KIF6: variants seen among roughly 807,000 people sequenced by gnomAD.
The protein encoded by KIF6 is kinesin family member 6, also known as kinesin-like protein KIF6.
Under a neutral mutation model 112.7 loss-of-function variants are expected in KIF6, and 106 were observed. That is an observed-to-expected ratio of 0.94 (90% CI 0.80 to 1.11). The LOEUF (loss-of-function observed/expected upper bound fraction) is 1.11, where lower values mean the gene tolerates loss of function less well. Ranked by LOEUF, KIF6 falls within the 50% of genes least tolerant of loss-of-function variation. The probability of loss-of-function intolerance (pLI) is 0.00; values close to 1 mark genes in which losing one functional copy is unlikely to be tolerated. For missense variants in KIF6, 929 were observed against 964.0 expected, an observed-to-expected ratio of 0.96 and a Z score of 0.48; for synonymous variants, 339 against 339.9, an observed-to-expected ratio of 1.00 and a Z score of 0.03.
chr6:39,568,948 TTC>T (rs149756382), intron 10 of KIF6, among the ~76,000 whole-genome samples: 1,494 of 148,130 alleles, frequency 0.01, 13 homozygotes, highest in Middle Eastern at 0.056. Flanking sequence ...CTGTAGGCCT[TTC>T]TCTCTCTCTC....
In KIF6 at chr6:39,414,464, G is replaced by A. The variant is rs545838984; in HGVS notation, c.1810+5484C>T. Among the ~76,000 whole-genome samples the A allele has an allele frequency of 4.6e-5, 7 of 152,250 alleles. No individual in the cohort carries two copies. The East Asian group carries it at 1.4e-3, about 29-fold the overall frequency. On this transcript the variant is annotated intron_variant, in intron 15 of 22. Coordinates refer to ENST00000287152, the MANE Select transcript of KIF6 (RefSeq NM_145027.6). ...ACCACGGCTGCTGCAAACCCATGGG[G>A]GACCTTTGTGCAAACTAGAAAAAGG...
intron 13 of KIF6, among the ~76,000 whole-genome samples, chr6:39,434,457 G>T (rs1438020783): frequency 6.6e-6 from 1 of 151,854 alleles, no homozygotes; most frequent in Admixed American, 6.6e-5. Flanking sequence ...TGTAATCCCA[G>T]CTACTTGGGA....
At chr6:39,450,759 C>T (rs1012480204) in intron 13 of KIF6, among the ~76,000 whole-genome samples, 11 of 152,174 alleles carry the variant, frequency 7.2e-5, no homozygotes, top group East Asian at 1.9e-4. Context: ...CAGCCATAAT[C>T]GCACCACTGC....
chr6:39,644,497 C>T (rs1785065226), intron 3 of KIF6, among the ~76,000 whole-genome samples: 1 of 151,946 alleles, frequency 6.6e-6, no homozygotes, highest in Admixed American at 6.6e-5. Flanking sequence ...GAAGGCAGTA[C>T]AGATACATGC....
chr6:39,529,773 C>A (rs529259263), intron 13 of KIF6, among the ~76,000 whole-genome samples: 1 of 151,484 alleles, frequency 6.6e-6, no homozygotes, highest in Non-Finnish European at 1.5e-5. Context: ...GGCGACAGAG[C>A]GAGACTCCGT....
At chr6:39,430,807 C>T (rs1320415978) in intron 14 of KIF6, among the ~76,000 whole-genome samples, 2 of 152,200 alleles carry the variant, frequency 1.3e-5, no homozygotes, top group Admixed American at 6.5e-5. Flanking sequence ...TTGTAAATCA[C>T]GTTGATACTG....
At chr6:39,635,245 G>T (rs1418200155) in intron 4 of KIF6, among the ~76,000 whole-genome samples, 1 of 151,876 alleles carries the variant, frequency 6.6e-6, no homozygotes, top group Non-Finnish European at 1.5e-5. Context: ...AGCCAACTTG[G>T]TTGCAGAACT....
At chr6:39,555,486 G>A (rs1779649523) in intron 10 of KIF6, among the ~76,000 whole-genome samples, 1 of 152,168 alleles carries the variant, frequency 6.6e-6, no homozygotes, top group African/African-American at 2.4e-5. Context: ...GTAGGGGGTA[G>A]GAGTAGGGGT....
chr6:39,679,021 T>G (rs1582432348), intron 3 of KIF6, among the ~76,000 whole-genome samples: 1 of 152,172 alleles, frequency 6.6e-6, no homozygotes, highest in Admixed American at 6.5e-5. Flanking sequence ...CAGCAGAATT[T>G]TAAAAGGAAG....
At chr6:39,505,575 T>C (rs182826551) in intron 13 of KIF6, among the ~76,000 whole-genome samples, 17 of 152,278 alleles carry the variant, frequency 1.1e-4, no homozygotes, top group Non-Finnish European at 2.5e-4. Context: ...ACCTACAGAA[T>C]GGGAGAGAAT....
intron 13 of KIF6, among the ~76,000 whole-genome samples, chr6:39,444,197 A>G (rs577397151): frequency 6.6e-6 from 1 of 152,360 alleles, no homozygotes; most frequent in African/African-American, 2.4e-5. Context: ...TGGCAAAGCC[A>G]TAACTATACC....
intron 5 of KIF6, among the ~76,000 whole-genome samples, chr6:39,625,758 G>A (rs1784059806): frequency 6.6e-6 from 1 of 152,128 alleles, no homozygotes; most frequent in Non-Finnish European, 1.5e-5. Context: ...CACAAAATGT[G>A]TAGGCCAAAC....
Position 39,571,143 on chromosome 6 carries a change from T to C in KIF6, c.1181+6913A>G, listed in dbSNP as rs539275929. On this transcript the variant is annotated intron_variant, in intron 10 of 22. Transcript: ENST00000287152. ...CTTTCCCAATTTTTCCACCTCTTGA[T>C]AACCTGTTTTACAGTCATAAGTTAT... Among the ~76,000 whole-genome samples the C allele has an allele frequency of 7.2e-5, 11 of 152,354 alleles. No individual in the cohort carries two copies. In the South Asian group the frequency reaches 1.7e-3, roughly 23 times the overall value.
At chr6:39,355,355 T>C (rs1388224099) in intron 19 of KIF6, among the ~76,000 whole-genome samples, 1 of 151,864 alleles carries the variant, frequency 6.6e-6, no homozygotes, top group African/African-American at 2.4e-5. Flanking sequence ...CAGGCTGAAG[T>C]GCTGGCACCA....
intron 10 of KIF6, among the ~76,000 whole-genome samples, chr6:39,564,687 G>T (rs535172417): frequency 6.6e-6 from 1 of 152,298 alleles, no homozygotes; most frequent in East Asian, 1.9e-4. Flanking sequence ...ATCTTGGTGT[G>T]CTTTTGCTGT....
At chr6:39,412,229 A>C (rs1769532233) in intron 15 of KIF6, among the ~76,000 whole-genome samples, 2 of 152,168 alleles carry the variant, frequency 1.3e-5, no homozygotes, top group Non-Finnish European at 2.9e-5. Context: ...CAAAACATTA[A>C]ATTTCATGAA....
chr6:39,547,743 A>C lies in KIF6; in HGVS notation c.1182-2055T>G, dbSNP rs186313767. Among the ~76,000 whole-genome samples, 209 of 152,348 alleles carry C rather than the reference A, an allele frequency of 1.4e-3. 3 individuals carry two copies. Among genetic ancestry groups the C allele is most frequent in the Non-Finnish European group, 2.1e-4 (14 of 68,036 alleles). ...ATGCTTTACATCATTATATTTCTAA[A>C]GCATTTATGGCAGATGAGCTTTTCC... is the stretch of plus-strand genomic sequence containing the variant. On this transcript the variant is annotated intron_variant, in intron 10 of 22. Coordinates refer to ENST00000287152, the MANE Select transcript of KIF6 (RefSeq NM_145027.6).
At chr6:39,640,915 T>C (rs758474704) in intron 3 of KIF6, among the ~76,000 whole-genome samples, 16 of 152,278 alleles carry the variant, frequency 1.1e-4, no homozygotes, top group Middle Eastern at 3.4e-3. Flanking sequence ...ACAAATTTAA[T>C]GGACTTAGTA....
At chr6:39,534,517 G>C (rs1778286973) in intron 13 of KIF6, among the ~76,000 whole-genome samples, 1 of 152,156 alleles carries the variant, frequency 6.6e-6, no homozygotes, top group Non-Finnish European at 1.5e-5. Flanking sequence ...AGAGAAAAAA[G>C]AATAAAAAGA....
Sources: gnomAD v4.1 joint callset for allele counts (sites outside exome capture counted in the v4.1 genomes callset) on GRCh38, gnomAD v4.1.1 for gene constraint, MANE v1.5 for transcripts, NCBI Gene and HGNC (gene_info 2026-07-23, HGNC 2026-07-21) for gene names.